CES5A: variants seen among roughly 807,000 people sequenced by gnomAD.
CES5A encodes carboxylesterase 5A.
Under a neutral mutation model 62.9 loss-of-function variants are expected in CES5A, and 67 were observed. The ratio of observed to expected loss-of-function variants is 1.07; its 90% CI spans 0.88 to 1.31. The LOEUF (loss-of-function observed/expected upper bound fraction) is 1.31, where lower values mean the gene tolerates loss of function less well. Among genes scored for constraint, CES5A ranks in the 50% most tolerant of loss-of-function variants. The pLI is 0.00. For synonymous variants in CES5A, 296 were observed against 280.8 expected, an observed-to-expected ratio of 1.05 and a Z score of -0.54; for missense variants, 748 against 708.5, an observed-to-expected ratio of 1.06 and a Z score of -0.63.
rs188650781 is a variant in CES5A at position 55,870,013 on chromosome 16, G to A, written c.418-269C>T. On this transcript the variant is annotated intron_variant, in intron 3 of 12. Transcript: ENST00000290567. The stretch of plus-strand genomic sequence containing the variant: ...GGCTCATTTTTCTCATCTGTAAAAT[G>A]TGAAGAAGGAAAGTATCTCACTTAT... Among the ~76,000 whole-genome samples, 6 of 152,336 alleles carry A rather than the reference G, an allele frequency of 3.9e-5. No individual in the cohort carries two copies. In the East Asian group the frequency reaches 1.2e-3, roughly 29 times the overall value.
At chr16:55,852,224 A>G (rs2033147231) in intron 10 of CES5A, among the ~76,000 whole-genome samples, 1 of 152,250 alleles carries the variant, frequency 6.6e-6, no homozygotes, top group Admixed American at 6.5e-5. Context: ...ATATTTAACT[A>G]CAATTTTTAA....
At chr16:55,911,258 T>C (rs2034089419) in intron 1 of CES5A, among the ~76,000 whole-genome samples, 2 of 152,194 alleles carry the variant, frequency 1.3e-5, no homozygotes, top group African/African-American at 4.8e-5. Context: ...AAACAGAAGA[T>C]ACTCAGGGAA....
intron 2 of CES5A, among the ~76,000 whole-genome samples, chr16:55,930,660 T>C (rs1484627019): frequency 6.6e-6 from 1 of 152,218 alleles, no homozygotes; most frequent in Non-Finnish European, 1.5e-5. Flanking sequence ...CCCTTTTGAA[T>C]GGTTCTCTTC....
chr16:55,955,383 T>C (rs1483029293), intron 1 of CES5A, among the ~76,000 whole-genome samples: 1 of 152,366 alleles, frequency 6.6e-6, no homozygotes, highest in African/African-American at 2.4e-5. Context: ...CCTTTAAAGA[T>C]GCATTTAAAT....
chr16:55,905,725 AAC>A (rs2034034475), intron 1 of CES5A, among the ~76,000 whole-genome samples: 1 of 152,116 alleles, frequency 6.6e-6, no homozygotes, highest in Admixed American at 6.5e-5. Flanking sequence ...TCCCCAGGAA[AAC>A]ACTGTCCTGG....
intron 2 of CES5A, among the ~76,000 whole-genome samples, chr16:55,948,548 C>T (rs529484209): frequency 6.6e-6 from 1 of 152,152 alleles, no homozygotes; most frequent in East Asian, 1.9e-4. Context: ...GTGAGGGAGG[C>T]CCCCTGGGGA....
chr16:55,869,818 G>T, intron 3 of CES5A, 74 bp from the exon 4 acceptor site: 4 of 1,500,330 alleles, frequency 2.7e-6, no homozygotes, highest in Non-Finnish European at 3.6e-6. Context: ...TGAGGCACAC[G>T]TTCTTAAGGT....
chr16:55,875,786 T>C (rs1224849211), upstream of CES5A, among the ~76,000 whole-genome samples: 1 of 152,218 alleles, frequency 6.6e-6, no homozygotes, highest in African/African-American at 2.4e-5. Flanking sequence ...TCTTCGATTA[T>C]ATTATTTCCC....
intron 1 of CES5A, among the ~76,000 whole-genome samples, chr16:55,894,511 A>AAAAAAAAG (rs1555484116): frequency 6.0e-5 from 9 of 150,842 alleles, no homozygotes; most frequent in Admixed American, 4.0e-4. Flanking sequence ...AAAAAAAAAA[A>AAAAAAAAG]AAAAGAAAAG....
intron 1 of CES5A, among the ~76,000 whole-genome samples, chr16:55,905,141 A>T (rs7404534): frequency 0.22 from 33,051 of 152,110 alleles, 4,728 homozygotes; most frequent in Non-Finnish European, 0.32. Flanking sequence ...CAGGGCAAGA[A>T]GTTCTTCTCC....
rs144673546 is a variant in CES5A, at chr16:55,953,892, A to C, written c.42+1952T>G. The stretch of plus-strand genomic sequence containing the variant: ...TCTGTCAGTTATTTGTGTTAGAAAC[A>C]TTCCAATTCCACTATTTTAGTTATT... On this transcript the variant is annotated intron_variant, in intron 1 of 13. Transcript: ENST00000521992. 4.4e-3 allele frequency among the ~76,000 whole-genome samples: 676 copies of C among 152,328 alleles called. 5 individuals carry two copies. Among genetic ancestry groups the C allele is most frequent in the African/African-American group, 0.015 (623 of 41,586 alleles).
intron 1 of CES5A, among the ~76,000 whole-genome samples, chr16:55,892,724 C>A (rs28408759): frequency 0.68 from 100,458 of 147,266 alleles, 34,429 homozygotes; most frequent in Non-Finnish European, 0.75. Flanking sequence ...ACAACAACAA[C>A]AAAAAAAAAT....
Position 55,868,671 on chromosome 16 carries a change from C to A in CES5A, c.551+940G>T, listed in dbSNP as rs144935751. Among the ~76,000 whole-genome samples the A allele has an allele frequency of 2.5e-4, 38 of 152,306 alleles. No individual in the cohort carries two copies. The East Asian group carries it at 7.4e-3, about 30-fold the overall frequency. On this transcript the variant is annotated intron_variant, in intron 4 of 12. Transcript: ENST00000290567. ...AGGATTCATATTTGAATCATTGCTG[C>A]CTTTACCATAGTATGTGACAGTGAC...
intron 1 of CES5A, among the ~76,000 whole-genome samples, chr16:55,913,947 G>A (rs1030162717): frequency 3.1e-4 from 47 of 152,212 alleles, no homozygotes; most frequent in African/African-American, 1.1e-3. Context: ...GAGCTGGCAA[G>A]CACAGGGTGC....
At chr16:55,949,975 A>G (rs925667393) in intron 1 of CES5A, 1 of 600,276 alleles carries the variant, frequency 1.7e-6, no homozygotes, top group Non-Finnish European at 2.5e-6. Context: ...TAATATAACC[A>G]ATACAGCATA....
At chr16:55,893,342 A>G (rs1282754964) in intron 1 of CES5A, among the ~76,000 whole-genome samples, 1 of 152,186 alleles carries the variant, frequency 6.6e-6, no homozygotes, top group Non-Finnish European at 1.5e-5. Flanking sequence ...ATCATAAAGA[A>G]ACAAGAAAAT....
intron 3 of CES5A, among the ~76,000 whole-genome samples, chr16:55,870,453 A>G (rs1276023629): frequency 6.6e-6 from 1 of 152,166 alleles, no homozygotes; most frequent in Non-Finnish European, 1.5e-5. Context: ...TAATCCCAAC[A>G]CTTTTGGGAG....
In CES5A at chr16:55,856,413, G is replaced by A; in HGVS notation, c.1089C>T (p.Asn363=). The change falls in exon 9 of 13, where the codon AAC becomes AAT. Residue 363 remains asparagine (N), a synonymous_variant. Coordinates refer to ENST00000290567, the MANE Select transcript of CES5A (RefSeq NM_001143685.2). The stretch of plus-strand genomic sequence containing the variant: ...GTATCAGATGGAGGGCAAGGGACTT[G>A]TTGGAGCCACTGAGGATCTCAGGAG... The part of the protein sequence containing the change: ...KEAPEILSGS[N]KSLALHLIQN... The A allele has an allele frequency of 6.2e-7, 1 of 1,614,118 alleles. No individual in the cohort carries two copies. Among genetic ancestry groups the A allele is most frequent in the Non-Finnish European group, 8.5e-7 (1 of 1,180,006 alleles).
intron 2 of CES5A, among the ~76,000 whole-genome samples, chr16:55,948,059 AAAAAAGAAAAAAG>A (rs1292577433): frequency 2.0e-5 from 3 of 152,002 alleles, no homozygotes; most frequent in East Asian, 1.9e-4. Flanking sequence ...ATAAACCAAA[AAAAAAGAAAAAAG>A]AAAAAGAAAA....
Sources: allele counts gnomAD v4.1 joint callset (sites outside exome capture counted in the v4.1 genomes callset), GRCh38; gene constraint gnomAD v4.1.1; transcripts MANE v1.5; gene names NCBI Gene and HGNC (gene_info 2026-07-23, HGNC 2026-07-21).